The following DCC variants were observed in gnomAD, a reference collection of about 807,000 sequenced individuals.
DCC encodes DCC netrin 1 receptor, also known as netrin receptor DCC.
A neutral mutation model predicts 172.5 loss-of-function variants in DCC; 58 were observed. The observed-to-expected ratio is 0.34, with a 90% CI of 0.27 to 0.42. The LOEUF (loss-of-function observed/expected upper bound fraction) is 0.42. DCC is among the 10% of genes least tolerant of loss of function. The pLI, the probability that DCC is intolerant of heterozygous loss-of-function variation, is 1.00. For missense variants in DCC, 1,740 were observed against 1,791.0 expected, an observed-to-expected ratio of 0.97 and a Z score of 0.51; for synonymous variants, 709 against 644.5, an observed-to-expected ratio of 1.10 and a Z score of -1.52.
chr18:53,398,447 TCCA>T (rs983676527), intron 18 of DCC, among the ~76,000 whole-genome samples: 9 of 152,154 alleles, frequency 5.9e-5, no homozygotes, highest in Non-Finnish European at 8.8e-5. Context: ...TTCTCAGAAT[TCCA>T]CCCTGAATGC....
intron 27 of DCC, among the ~76,000 whole-genome samples, chr18:53,502,541 C>CAACAAGTTTTGATTCTAAGAAAATCATTA (rs2046115655): frequency 6.7e-6 from 1 of 149,490 alleles, no homozygotes; most frequent in East Asian, 1.9e-4. Flanking sequence ...TTAGAGCTTT[C>CAACAAGTTTTGATTCTAAGAAAATCATTA]AACAAGTTTT....
At chr18:53,008,118 T>G (rs2041672603) in intron 5 of DCC, among the ~76,000 whole-genome samples, 1 of 151,722 alleles carries the variant, frequency 6.6e-6, no homozygotes, top group Non-Finnish European at 1.5e-5. Flanking sequence ...TTTTTAGGAC[T>G]GTCTCCTGAG....
Position 52,582,724 on chromosome 18 carries a change from G to A in DCC, c.92-169330G>A, listed in dbSNP as rs369200030. Reference sequence around the variant, plus strand: ...ATATATCAGAAGGGGGCAGCCTTTCGTGTAAAGTTCCTCAAATGGGAATAC... The same window carrying A: ...ATATATCAGAAGGGGGCAGCCTTTCATGTAAAGTTCCTCAAATGGGAATAC... On this transcript the variant is annotated intron_variant, in intron 1 of 28. Coordinates refer to ENST00000442544, the MANE Select transcript of DCC (RefSeq NM_005215.4). Among the ~76,000 whole-genome samples the A allele has an allele frequency of 1.9e-3, 289 of 152,242 alleles. 1 individual carries two copies. Among genetic ancestry groups the A allele is most frequent in the African/African-American group, 6.7e-3 (278 of 41,554 alleles).
chr18:53,039,001 AG>A (rs2042132096), intron 5 of DCC, among the ~76,000 whole-genome samples: 1 of 151,950 alleles, frequency 6.6e-6, no homozygotes, highest in Non-Finnish European at 1.5e-5. Context: ...CTGTCACATC[AG>A]GGAAAAAATA....
intron 15 of DCC, among the ~76,000 whole-genome samples, chr18:53,367,774 ATTTACCTTT>A (rs2058021965): frequency 6.6e-6 from 1 of 152,140 alleles, no homozygotes; most frequent in African/African-American, 2.4e-5. Context: ...ATGATATAAT[ATTTACCTTT>A]TTGCAACTGG....
At chr18:53,090,330 T>C (rs553929293) in intron 7 of DCC, among the ~76,000 whole-genome samples, 10 of 152,044 alleles carry the variant, frequency 6.6e-5, no homozygotes, top group Non-Finnish European at 1.2e-4. Flanking sequence ...AAAAATATCT[T>C]TTCTGGGTGC....
At chr18:52,367,866 T>C (rs1040168781) in intron 1 of DCC, among the ~76,000 whole-genome samples, 1 of 152,214 alleles carries the variant, frequency 6.6e-6, no homozygotes, top group African/African-American at 2.4e-5. Context: ...ATAGGTATTC[T>C]TTCTGCAATT....
chr18:52,956,684 G>T (rs1430208356), intron 5 of DCC, among the ~76,000 whole-genome samples: 1 of 151,980 alleles, frequency 6.6e-6, no homozygotes, highest in Admixed American at 6.6e-5. Flanking sequence ...AGATCAAGTT[G>T]GGGAGAAATT....
chr18:52,664,263 T>G (rs895363122), intron 1 of DCC, among the ~76,000 whole-genome samples: 1 of 152,126 alleles, frequency 6.6e-6, no homozygotes, highest in African/African-American at 2.4e-5. Context: ...TCTGGATTCC[T>G]TCCAGAGGTG....
chr18:53,414,792 G>A (rs11659577), intron 20 of DCC, among the ~76,000 whole-genome samples: 65,617 of 151,996 alleles, frequency 0.43, 15,972 homozygotes, highest in Non-Finnish European at 0.56. Flanking sequence ...AGGTTGCAGT[G>A]AGCTGAGATT....
intron 12 of DCC, among the ~76,000 whole-genome samples, chr18:53,293,338 T>C (rs1393529901): frequency 6.6e-6 from 1 of 152,192 alleles, no homozygotes; most frequent in Non-Finnish European, 1.5e-5. Flanking sequence ...ATAGAACATC[T>C]AATAAGATTT....
chr18:52,757,492 C>A (rs1346158240), intron 2 of DCC, among the ~76,000 whole-genome samples: 1 of 152,134 alleles, frequency 6.6e-6, no homozygotes, highest in East Asian at 1.9e-4. Flanking sequence ...CCCTTCCCCA[C>A]ACCTACCCAC....
intron 12 of DCC, among the ~76,000 whole-genome samples, chr18:53,283,626 C>T (rs1270491862): frequency 2.0e-5 from 3 of 152,102 alleles, no homozygotes. Flanking sequence ...CAGAACACAA[C>T]AAAGGTATCC....
chr18:52,517,923 T>TC (rs1189150171), intron 1 of DCC, among the ~76,000 whole-genome samples: 15 of 152,330 alleles, frequency 9.8e-5, no homozygotes, highest in African/African-American at 3.4e-4. Context: ...CTGCATATTA[T>TC]TCTTTTAAAT....
chr18:52,963,517 C>T (rs1330616731), intron 5 of DCC, among the ~76,000 whole-genome samples: 1 of 152,076 alleles, frequency 6.6e-6, no homozygotes, highest in Non-Finnish European at 1.5e-5. Context: ...TGAACATGCA[C>T]AGGAGTCTGA....
intron 1 of DCC, among the ~76,000 whole-genome samples, chr18:52,717,730 T>TA (rs1293260120): frequency 6.6e-6 from 1 of 152,116 alleles, no homozygotes; most frequent in Non-Finnish European, 1.5e-5. Context: ...CTTCCACAGA[T>TA]AAAATACTTA....
At position 53,493,074 on chromosome 18, in the gene DCC, C is replaced by A. The variant is rs547644905; in HGVS notation, c.3898+6116C>A. 1.6e-4 allele frequency among the ~76,000 whole-genome samples: 25 copies of A among 152,106 alleles called. No individual in the cohort carries two copies. In the South Asian group the frequency reaches 2.7e-3, roughly 16 times the overall value. ...TTGTATTCCTAGGTATTATTTTGTT[C>A]TCTTTGTAGCAATTGTGAATGGGAG... On this transcript the variant is annotated intron_variant, in intron 26 of 28. Coordinates refer to ENST00000442544, the MANE Select transcript of DCC (RefSeq NM_005215.4).
intron 5 of DCC, among the ~76,000 whole-genome samples, chr18:53,020,601 G>C (rs2041866607): frequency 6.6e-6 from 1 of 152,144 alleles, no homozygotes; most frequent in Non-Finnish European, 1.5e-5. Flanking sequence ...ACATGTAAAA[G>C]TCATCCAATT....
intron 7 of DCC, among the ~76,000 whole-genome samples, chr18:53,091,875 A>ATATC (rs1291782768): frequency 1.2e-4 from 18 of 148,124 alleles, no homozygotes; most frequent in African/African-American, 4.2e-4. Flanking sequence ...ATATATATAT[A>ATATC]TCTACATAAA....
Sources: allele counts gnomAD v4.1 joint callset (sites outside exome capture counted in the v4.1 genomes callset), GRCh38; gene constraint gnomAD v4.1.1; transcripts MANE v1.5; gene names NCBI Gene and HGNC (gene_info 2026-07-23, HGNC 2026-07-21).